KSR2: variants seen among roughly 807,000 people sequenced by gnomAD.
KSR2 encodes the protein kinase suppressor of ras 2.
Under a neutral mutation model 107.8 loss-of-function variants are expected in KSR2, and 25 were observed. The observed-to-expected ratio is 0.23, with a 90% CI of 0.17 to 0.32. The LOEUF (loss-of-function observed/expected upper bound fraction) is 0.32, where lower values mean the gene tolerates loss of function less well. KSR2 is among the 10% of genes least tolerant of loss of function. The pLI is 1.00. For synonymous variants in KSR2, 480 were observed against 507.0 expected (o/e 0.95, Z 0.71); for missense variants, 887 against 1,268.9 (o/e 0.70, Z 4.57).
At position 117,761,054 on chromosome 12, in the gene KSR2, CGTG is replaced by C. The variant is rs1888989376; in HGVS notation, c.940_942del (p.His314del). 7 of 1,613,656 alleles carry C rather than the reference CGTG, an allele frequency of 4.3e-6. No homozygotes were observed. Among genetic ancestry groups the C allele is most frequent in the Non-Finnish European group, 5.9e-6 (7 of 1,179,754 alleles). On this transcript the variant is annotated inframe_deletion, in exon 4 of 20. Coordinates refer to ENST00000339824, the MANE Select transcript of KSR2 (RefSeq NM_173598.6). ...TCCACGCGGTGCCCCAGCTGGAACT[CGTG>C]GGATTTGCTCCGATGCAGCGCGGTG...
At chr12:117,797,366 G>A (rs1325293505) in intron 3 of KSR2, among the ~76,000 whole-genome samples, 1 of 152,318 alleles carries the variant, frequency 6.6e-6, no homozygotes, top group Non-Finnish European at 1.5e-5. Flanking sequence ...TTTGATAAGT[G>A]AAAGAAGCCA....
At chr12:117,646,688 C>A (rs1883662206) in intron 5 of KSR2, among the ~76,000 whole-genome samples, 1 of 152,146 alleles carries the variant, frequency 6.6e-6, no homozygotes, top group East Asian at 1.9e-4. Context: ...AGGGGCGCAC[C>A]AGCACCCGCC....
At chr12:117,591,046 G>A (rs960074837) in intron 5 of KSR2, among the ~76,000 whole-genome samples, 4 of 152,136 alleles carry the variant, frequency 2.6e-5, no homozygotes, top group African/African-American at 7.2e-5. Context: ...ACCCTGTGAG[G>A]TGCATTGTTT....
Position 117,512,128 on chromosome 12 carries a change from G to A in KSR2, c.2219+12724C>T, listed in dbSNP as rs865995858. ...TGAGATGTCAAATGTCACTGGGCAG[G>A]TGAATAAAGGAAGTCTGCATGCAGT... On this transcript the variant is annotated intron_variant, in intron 14 of 19. Transcript: ENST00000339824. 8.5e-5 allele frequency among the ~76,000 whole-genome samples: 13 copies of A among 152,232 alleles called. No homozygotes were observed. The South Asian group carries it at 2.3e-3, about 27-fold the overall frequency.
intron 1 of KSR2, among the ~76,000 whole-genome samples, chr12:117,913,158 G>T (rs749479831): frequency 1.2e-4 from 19 of 152,126 alleles, no homozygotes; most frequent in Non-Finnish European, 2.1e-4. Context: ...CCACCCCCAG[G>T]TGGCCCCAGA....
At chr12:117,815,031 T>C (rs1891322691) in intron 3 of KSR2, among the ~76,000 whole-genome samples, 1 of 152,158 alleles carries the variant, frequency 6.6e-6, no homozygotes, top group Non-Finnish European at 1.5e-5. Flanking sequence ...CTTAAATATA[T>C]GAACATTCTT....
intron 9 of KSR2, among the ~76,000 whole-genome samples, chr12:117,543,994 T>C (rs1334739914): frequency 2.0e-5 from 3 of 152,176 alleles, no homozygotes; most frequent in African/African-American, 7.2e-5. Flanking sequence ...AGGCCGAAAG[T>C]CATATTGGAT....
chr12:117,878,400 G>A (rs1893930025), intron 1 of KSR2, among the ~76,000 whole-genome samples: 1 of 152,198 alleles, frequency 6.6e-6, no homozygotes, highest in Non-Finnish European at 1.5e-5. Flanking sequence ...TCAGCTTGCA[G>A]AGTGGGGACC....
chr12:117,745,310 A>G (rs1888369000), intron 4 of KSR2, among the ~76,000 whole-genome samples: 1 of 152,246 alleles, frequency 6.6e-6, no homozygotes, highest in African/African-American at 2.4e-5. Flanking sequence ...TGACTCTAAA[A>G]GCACAGGCAA....
chr12:117,461,875 C>G lies in KSR2; in HGVS notation c.*5324G>C, dbSNP rs1870913718. 6.6e-6 allele frequency: 1 copy of G among 152,268 alleles called. No homozygotes were observed. Among genetic ancestry groups the G allele is most frequent in the African/African-American group, 2.4e-5 (1 of 41,436 alleles). The allele number at this position is 152,268 out of a possible 1,614,324, so 9.4% of individuals were successfully genotyped here. A position where few individuals can be genotyped will look rare whatever the true frequency, so the allele number is the denominator to read the frequency against. On this transcript the variant is annotated 3_prime_UTR_variant, in exon 20 of 20. Coordinates refer to ENST00000339824, the MANE Select transcript of KSR2 (RefSeq NM_173598.6). The stretch of plus-strand genomic sequence containing the variant: ...AAGGAAACAGCAAAATGTAGCTCAT[C>G]AAAATCCACTCCTTTGTCAATGAAC...
At chr12:117,814,712 C>T (rs1891311973) in intron 3 of KSR2, among the ~76,000 whole-genome samples, 1 of 152,158 alleles carries the variant, frequency 6.6e-6, no homozygotes, top group Non-Finnish European at 1.5e-5. Flanking sequence ...GTGAACTCTA[C>T]CTCGGTGCCT....
rs543388759 is a variant in KSR2 at position 117,529,385 on chromosome 12, T to C, written c.1802+1556A>G. Among the ~76,000 whole-genome samples, 30 of 152,198 alleles carry C rather than the reference T, an allele frequency of 2.0e-4. No homozygotes were observed. In the South Asian group the frequency reaches 6.0e-3, roughly 31 times the overall value. The stretch of plus-strand genomic sequence containing the variant: ...TGTGTGCCACCACGCCTGACTAATG[T>C]TTGTATTTTTAATATAGACGGGGTT... On this transcript the variant is annotated intron_variant, in intron 12 of 19. Coordinates refer to ENST00000339824, the MANE Select transcript of KSR2 (RefSeq NM_173598.6).
rs1871151974 is a variant in KSR2 at position 117,466,483 on chromosome 12, G to A, written c.*716C>T. 1 of 152,128 alleles carries A rather than the reference G, an allele frequency of 6.6e-6. No homozygotes were observed. Among genetic ancestry groups the A allele is most frequent in the Non-Finnish European group, 1.5e-5 (1 of 68,038 alleles). 9.4% of individuals were successfully genotyped at this position (152,128 alleles called of 1,614,324 possible). On this transcript the variant is annotated 3_prime_UTR_variant, in exon 20 of 20. Coordinates refer to ENST00000339824, the MANE Select transcript of KSR2 (RefSeq NM_173598.6). Reference sequence around the variant, plus strand: ...GAAAACAGCAGAAATGGGGGAATAGGTCCCCCAGAGAGACCCAGAACTCAA... The same window carrying A: ...GAAAACAGCAGAAATGGGGGAATAGATCCCCCAGAGAGACCCAGAACTCAA...
chr12:117,659,595 A>G (rs1470851190), intron 5 of KSR2, among the ~76,000 whole-genome samples: 1 of 152,192 alleles, frequency 6.6e-6, no homozygotes, highest in Admixed American at 6.5e-5. Flanking sequence ...TATAATGGAG[A>G]GAGCCATTGG....
At chr12:117,624,045 T>C (rs1882336426) in intron 5 of KSR2, among the ~76,000 whole-genome samples, 1 of 152,240 alleles carries the variant, frequency 6.6e-6, no homozygotes, top group Non-Finnish European at 1.5e-5. Flanking sequence ...GAAGTGTCTG[T>C]TTATATCCTT....
intron 5 of KSR2, among the ~76,000 whole-genome samples, chr12:117,663,682 G>A (rs1453888915): frequency 6.6e-6 from 1 of 152,214 alleles, no homozygotes; most frequent in Non-Finnish European, 1.5e-5. Context: ...CATCCAGTTA[G>A]TTGCTTTAAA....
At chr12:117,834,528 A>G (rs1892119633) in intron 3 of KSR2, among the ~76,000 whole-genome samples, 1 of 152,096 alleles carries the variant, frequency 6.6e-6, no homozygotes, top group African/African-American at 2.4e-5. Flanking sequence ...GGCATTTGAT[A>G]GGCAATAAAA....
At chr12:117,955,526 C>T (rs73406679) in intron 1 of KSR2, among the ~76,000 whole-genome samples, 2,600 of 152,246 alleles carry the variant, frequency 0.017, 75 homozygotes, top group African/African-American at 0.059. Flanking sequence ...ACAATCTCAC[C>T]TCAGAGCTCA....
chr12:117,470,955 G>T (rs967299577), intron 18 of KSR2, among the ~76,000 whole-genome samples: 1 of 152,198 alleles, frequency 6.6e-6, no homozygotes. Flanking sequence ...CCACAGTTAG[G>T]AAAAACCTGA....
Sources: allele counts gnomAD v4.1 joint callset (sites outside exome capture counted in the v4.1 genomes callset), GRCh38; gene constraint gnomAD v4.1.1; transcripts MANE v1.5; gene names NCBI Gene and HGNC (gene_info 2026-07-23, HGNC 2026-07-21).